NFE2L2: variants seen among roughly 807,000 people sequenced by gnomAD.
The protein encoded by NFE2L2 is nuclear factor erythroid 2-related factor 2.
NFE2L2 carries 20 observed loss-of-function variants against 49.6 expected under a neutral mutation model. The observed-to-expected ratio is 0.40, with a 90% confidence interval of 0.28 to 0.59. The LOEUF (loss-of-function observed/expected upper bound fraction) is 0.59. Among genes scored for constraint, NFE2L2 ranks in the 20% least tolerant of loss-of-function variants. The pLI, the probability that NFE2L2 is intolerant of heterozygous loss-of-function variation, is 0.40. For synonymous variants in NFE2L2, 244 were observed against 256.5 expected, an observed-to-expected ratio of 0.95 and a Z score of 0.47; for missense variants, 578 against 714.2, an observed-to-expected ratio of 0.81 and a Z score of 2.17.
chr2:177,264,089 T>C (rs1167964173), intron 1 of NFE2L2, among the ~76,000 whole-genome samples: 2 of 151,956 alleles, frequency 1.3e-5, no homozygotes, highest in Non-Finnish European at 2.9e-5. Flanking sequence ...GGCACATTTT[T>C]GCCGGCACCG....
chr2:177,261,185 A>C (rs1053478709), intron 1 of NFE2L2, among the ~76,000 whole-genome samples: 3 of 142,668 alleles, frequency 2.1e-5, no homozygotes, highest in Admixed American at 6.9e-5. Context: ...AAAAAAAAAA[A>C]CAAAAAACAA....
At chr2:177,252,000 C>CAAAAAAA (rs3082509) in intron 1 of NFE2L2, among the ~76,000 whole-genome samples, 1 of 104,538 alleles carries the variant, frequency 9.6e-6, no homozygotes, top group Admixed American at 1.1e-4. Context: ...GACTCTGTCT[C>CAAAAAAA]AAAAAAAAAA....
At chr2:177,255,521 C>T (rs559867294) in intron 1 of NFE2L2, among the ~76,000 whole-genome samples, 4 of 152,164 alleles carry the variant, frequency 2.6e-5, no homozygotes, top group African/African-American at 9.7e-5. Flanking sequence ...CTGCAGCTGA[C>T]ACAAAGTAAA....
chr2:177,263,644 G>A, intron 1 of NFE2L2: 2 of 985,484 alleles, frequency 2.0e-6, no homozygotes, highest in Non-Finnish European at 2.4e-6. Flanking sequence ...CCACGCGCGC[G>A]GTGAGCGCCA....
Position 177,230,685 on chromosome 2 carries a change from TAGA to T in NFE2L2, c.*97_*99del, listed in dbSNP as rs541371295. On this transcript the variant is annotated 3_prime_UTR_variant, in exon 5 of 5. Transcript: ENST00000397062. The stretch of plus-strand genomic sequence containing the variant: ...TACTAGTTTTGGCTATGATTTTGCA[TAGA>T]ATTACTTATAAAGTATGAGCATTTC... The T allele has an allele frequency of 7.1e-5, 95 of 1,345,238 alleles. No homozygotes were observed. The African/African-American group carries it at 1.1e-3, about 15-fold the overall frequency. 83.3% of individuals were successfully genotyped at this position (1,345,238 alleles called of 1,614,324 possible).
At chr2:177,237,771 G>A (rs1406200845) in intron 1 of NFE2L2, among the ~76,000 whole-genome samples, 2 of 152,010 alleles carry the variant, frequency 1.3e-5, no homozygotes, top group East Asian at 1.9e-4. Context: ...TGCCTGCCTC[G>A]GCCTCCCAAA....
Position 177,232,041 on chromosome 2 carries a change from C to A in NFE2L2, c.595-33G>T. The A allele has an allele frequency of 2.6e-6, 4 of 1,534,514 alleles. No homozygotes were observed. The South Asian group carries it at 3.9e-5, about 15-fold the overall frequency. ...AGAAGGAAGTTTATACTATATAAATCAAAGTTAATCCATGATAATACGTGA... is the reference window on the plus strand; with the variant it reads ...AGAAGGAAGTTTATACTATATAAATAAAAGTTAATCCATGATAATACGTGA... On this transcript the variant is annotated intron_variant, in intron 4 of 4. Coordinates refer to ENST00000397062, the MANE Select transcript of NFE2L2 (RefSeq NM_006164.5).
At chr2:177,259,659 G>A (rs750159128) in intron 1 of NFE2L2, among the ~76,000 whole-genome samples, 23 of 152,188 alleles carry the variant, frequency 1.5e-4, no homozygotes, top group South Asian at 2.1e-4. Context: ...TAGGCCAGGC[G>A]CGGTGGCTTA....
At chr2:177,257,024 T>C (rs933093800) in intron 1 of NFE2L2, among the ~76,000 whole-genome samples, 5 of 152,252 alleles carry the variant, frequency 3.3e-5, no homozygotes, top group Non-Finnish European at 7.3e-5. Context: ...TTAGCCCCAG[T>C]TTCCAAATAT....
chr2:177,234,380 TTACAAA>T (rs1166151206), intron 1 of NFE2L2, 109 bp from the exon 2 acceptor site: 11 of 1,232,274 alleles, frequency 8.9e-6, no homozygotes, highest in African/African-American at 6.1e-5. Context: ...AGTGGGGAGA[TTACAAA>T]TACAATCTAA....
Position 177,232,859 on chromosome 2 carries a change from C to G in NFE2L2, c.403-276G>C, listed in dbSNP as rs146485862. ...GATTTAGTTTATATAATATCTAGCA[C>G]AGTGGTACTAGATAAAACAGATTTA... On this transcript the variant is annotated intron_variant, in intron 3 of 4. Transcript: ENST00000397062. 7.9e-3 allele frequency: 3,894 copies of G among 494,796 alleles called. 25 individuals are homozygous for G. The highest frequency in any genetic ancestry group is 0.013 in the Middle Eastern group (25 of 1,888). 30.7% of individuals were successfully genotyped at this position (494,796 alleles called of 1,614,324 possible).
rs373610644 is a variant in NFE2L2 at position 177,258,905 on chromosome 2, T to G, written c.45+5627A>C. 7.2e-5 allele frequency among the ~76,000 whole-genome samples: 11 copies of G among 152,320 alleles called. No individual in the cohort carries two copies. The East Asian group carries it at 1.2e-3, about 16-fold the overall frequency. On this transcript the variant is annotated intron_variant, in intron 1 of 4. Coordinates refer to ENST00000397062, the MANE Select transcript of NFE2L2 (RefSeq NM_006164.5). ...CCTAAAGTCTCAGTTCTCACCTTATTTGGAATGGCTATTTAGCATTGTCTT... is the reference window on the plus strand; with the variant it reads ...CCTAAAGTCTCAGTTCTCACCTTATGTGGAATGGCTATTTAGCATTGTCTT...
At chr2:177,254,676 A>G (rs1372844020) in intron 1 of NFE2L2, among the ~76,000 whole-genome samples, 1 of 152,240 alleles carries the variant, frequency 6.6e-6, no homozygotes, top group African/African-American at 2.4e-5. Context: ...ACACTGTCCT[A>G]TCAATCTTTA....
intron 1 of NFE2L2, among the ~76,000 whole-genome samples, chr2:177,237,343 A>G (rs1263457761): frequency 6.6e-6 from 1 of 152,212 alleles, no homozygotes; most frequent in East Asian, 1.9e-4. Flanking sequence ...GCAACAAAAT[A>G]GCAACCACAG....
At chr2:177,233,043 G>A (rs1322691351) in intron 3 of NFE2L2, 13 of 551,752 alleles carry the variant, frequency 2.4e-5, no homozygotes, top group Non-Finnish European at 3.1e-5. Flanking sequence ...TTTGTATTGT[G>A]TGAAGGGTTT....
chr2:177,263,306 T>C (rs906540681), intron 1 of NFE2L2: 4 of 933,176 alleles, frequency 4.3e-6, no homozygotes, highest in Non-Finnish European at 5.1e-6. Context: ...AAAGGAAACA[T>C]ATATAAAGTA....
Position 177,231,293 on chromosome 2 carries a change from C to A in NFE2L2, c.1310G>T (p.Arg437Leu). 6.2e-7 allele frequency: 1 copy of A among 1,614,200 alleles called. No homozygotes were observed. The highest frequency in any genetic ancestry group is 8.5e-7 in the Non-Finnish European group (1 of 1,180,036). ...TTTGTCTTTTGTGAATGGGGTTTTC[C>A]GATGACCAGGACTTACAGGCAATTC... Reference protein sequence around the residue: ...EKELPVSPGHRKTPFTKDKHS... With the variant: ...EKELPVSPGHLKTPFTKDKHS... The change falls in exon 5 of 5, where the codon CGG (arginine) becomes CTG (leucine). Residue 437 changes from arginine (R) to leucine (L), a missense_variant. Around this residue, in one of 3 missense-constraint regions of NFE2L2, gnomAD observed 368 missense variants for 384.6 expected, o/e 0.96. Transcript: ENST00000397062.
intron 1 of NFE2L2, among the ~76,000 whole-genome samples, chr2:177,248,822 G>A (rs1690228752): frequency 6.6e-6 from 1 of 152,112 alleles, no homozygotes; most frequent in South Asian, 2.1e-4. Flanking sequence ...AGGAATAAGA[G>A]CCTCCCAGTT....
intron 1 of NFE2L2, among the ~76,000 whole-genome samples, chr2:177,234,710 T>C (rs143918323): frequency 3.9e-5 from 6 of 152,338 alleles, no homozygotes; most frequent in African/African-American, 1.4e-4. Context: ...GCTCAGCAAA[T>C]ATCCAGTTTA....
Sources: gnomAD v4.1 joint callset for allele counts (sites outside exome capture counted in the v4.1 genomes callset) on GRCh38, gnomAD v4.1.1 for gene constraint, gnomAD v4.1.1 regional missense constraint, MANE v1.5 for transcripts, NCBI Gene and HGNC (gene_info 2026-07-23, HGNC 2026-07-21) for gene names.